Variants in OPCML observed in about 807,000 individuals in gnomAD.
OPCML encodes the protein opioid binding protein/cell adhesion molecule like, also known as opioid-binding protein/cell adhesion molecule.
In OPCML, 13 loss-of-function variants were observed where a neutral mutation model predicts 37.8. The ratio of observed to expected loss-of-function variants is 0.34; its 90% confidence interval spans 0.22 to 0.55. The LOEUF (loss-of-function observed/expected upper bound fraction) is 0.55. Among genes scored for constraint, OPCML ranks in the 20% least tolerant of loss-of-function variants. OPCML has a pLI of 0.91. For synonymous variants in OPCML, 176 were observed against 168.8 expected (o/e 1.04, Z -0.33); for missense variants, 341 against 435.6 (o/e 0.78, Z 1.93).
chr11:132,787,014 C>T (rs947031184), intron 2 of OPCML, among the ~76,000 whole-genome samples: 1 of 152,136 alleles, frequency 6.6e-6, no homozygotes, highest in Non-Finnish European at 1.5e-5. Flanking sequence ...GCCTGTCAAA[C>T]ACAGATGGAG....
At chr11:133,071,421 G>T (rs547175542) in intron 1 of OPCML, among the ~76,000 whole-genome samples, 33 of 152,262 alleles carry the variant, frequency 2.2e-4, no homozygotes, top group South Asian at 1.2e-3. Flanking sequence ...ATATTGAGTG[G>T]TTTTTTATGT....
intron 2 of OPCML, among the ~76,000 whole-genome samples, chr11:132,838,497 C>G (rs1484165409): frequency 1.3e-5 from 2 of 152,076 alleles, no homozygotes; most frequent in African/African-American, 4.8e-5. Flanking sequence ...ACAGAAGAAC[C>G]GCCTGTCCAA....
intron 1 of OPCML, among the ~76,000 whole-genome samples, chr11:133,395,085 A>G (rs1945257957): frequency 6.6e-6 from 1 of 152,192 alleles, no homozygotes; most frequent in Non-Finnish European, 1.5e-5. Flanking sequence ...GTGAGATGAT[A>G]TATCATTGTA....
Position 133,205,456 on chromosome 11 carries a change from C to T in OPCML, c.62-262446G>A, listed in dbSNP as rs138279641. ...CCTGAAGAGGTGGGGGCTGGGAACG[C>T]TGATCAGCAGCACTGGTCCCAACCC... On this transcript the variant is annotated intron_variant, in intron 1 of 7. Transcript: ENST00000524381. The surrounding 1 kb of genome is among the most constrained non-coding windows in gnomAD (Gnocchi z 4.8). Among the ~76,000 whole-genome samples the T allele has an allele frequency of 1.6e-3, 241 of 152,298 alleles. 1 individual carries two copies. Among genetic ancestry groups the T allele is most frequent in the African/African-American group, 5.6e-3 (232 of 41,560 alleles).
At chr11:133,037,234 G>A (rs1313618755) in intron 1 of OPCML, among the ~76,000 whole-genome samples, 3 of 152,232 alleles carry the variant, frequency 2.0e-5, no homozygotes. Flanking sequence ...GATCACCACT[G>A]TGAGGATGAG....
rs888210304 is a variant in OPCML, at chr11:132,928,256, A to T, written c.146+14670T>A. Among the ~76,000 whole-genome samples, 3 of 152,156 alleles carry T rather than the reference A, an allele frequency of 2.0e-5. No individual in the cohort carries two copies. The East Asian group carries it at 5.8e-4, about 29-fold the overall frequency. ...AGAGACCCAGTTTAGATTTAAATGC[A>T]CACATAGTTCAAAAGTGAAAGGTTG... On this transcript the variant is annotated intron_variant, in intron 2 of 7. Transcript: ENST00000524381.
chr11:133,423,210 C>G, intron 1 of OPCML: 1 of 985,402 alleles, frequency 1.0e-6, no homozygotes, highest in Non-Finnish European at 1.2e-6. Flanking sequence ...CAATCATCCC[C>G]TTGATCATTT....
At chr11:132,441,170 T>TTTTTGTTTTTTTTTTTTTG (rs2096032361) in intron 4 of OPCML, among the ~76,000 whole-genome samples, 2 of 113,526 alleles carry the variant, frequency 1.8e-5, no homozygotes, top group Admixed American at 9.0e-5. Context: ...TTTTTGTTTT[T>TTTTTGTTTTTTTTTTTTTG]TTTTTTTTTT....
intron 3 of OPCML, among the ~76,000 whole-genome samples, chr11:132,653,209 A>G (rs1273379942): frequency 6.6e-6 from 1 of 152,026 alleles, no homozygotes; most frequent in Non-Finnish European, 1.5e-5. Flanking sequence ...CATTTCTCCA[A>G]ACTAAAAAAT....
intron 1 of OPCML, among the ~76,000 whole-genome samples, chr11:133,219,420 G>A (rs557062351): frequency 2.6e-5 from 4 of 152,156 alleles, no homozygotes; most frequent in Non-Finnish European, 5.9e-5. Context: ...CAGAAACTGA[G>A]AAACTAAAAT....
At chr11:132,745,055 G>A (rs1178832275) in intron 2 of OPCML, among the ~76,000 whole-genome samples, 1 of 152,188 alleles carries the variant, frequency 6.6e-6, no homozygotes, top group African/African-American at 2.4e-5. Flanking sequence ...TGCTGCACCA[G>A]TCTTTTTCAC....
intron 3 of OPCML, among the ~76,000 whole-genome samples, chr11:132,626,331 G>T (rs1041901026): frequency 6.6e-6 from 1 of 151,942 alleles, no homozygotes; most frequent in African/African-American, 2.4e-5. Flanking sequence ...CCTATTCAAG[G>T]CACTCCAAGG....
At chr11:132,471,585 T>C (rs1343075763) in intron 4 of OPCML, among the ~76,000 whole-genome samples, 1 of 152,202 alleles carries the variant, frequency 6.6e-6, no homozygotes, top group African/African-American at 2.4e-5. Flanking sequence ...GGTTCCTCCA[T>C]CTGTGGGTGT....
intron 2 of OPCML, among the ~76,000 whole-genome samples, chr11:132,842,722 G>A (rs1183241850): frequency 1.3e-5 from 2 of 152,206 alleles, no homozygotes; most frequent in African/African-American, 2.4e-5. Flanking sequence ...CCTGGTCACA[G>A]GCTAAGGTTC....
chr11:133,189,634 A>T (rs1938223074), intron 1 of OPCML, among the ~76,000 whole-genome samples: 1 of 152,188 alleles, frequency 6.6e-6, no homozygotes, highest in Admixed American at 6.5e-5. Flanking sequence ...GTCTACAAAG[A>T]GGTTGTGGCC....
At chr11:132,767,606 C>G (rs1464917626) in intron 2 of OPCML, among the ~76,000 whole-genome samples, 4 of 152,164 alleles carry the variant, frequency 2.6e-5, no homozygotes, top group Admixed American at 6.5e-5. Context: ...CCCAGGTGCT[C>G]ATGCGTTTAC....
chr11:133,337,188 T>G (rs1943761767), intron 1 of OPCML, among the ~76,000 whole-genome samples: 1 of 152,208 alleles, frequency 6.6e-6, no homozygotes, highest in Non-Finnish European at 1.5e-5. Flanking sequence ...CTGTTTCTTT[T>G]CCTAAGGCAA....
intron 2 of OPCML, among the ~76,000 whole-genome samples, chr11:132,731,174 A>T (rs1023189418): frequency 2.0e-5 from 3 of 152,238 alleles, no homozygotes; most frequent in African/African-American, 7.2e-5. Context: ...ATTTTAATTA[A>T]TGTGTATTTA....
Position 133,422,379 on chromosome 11 carries a change from ATATATATATATATATG to A in OPCML, c.61+109869_61+109884del. On this transcript the variant is annotated intron_variant, in intron 1 of 7. Transcript: ENST00000524381. Reference sequence around the variant, plus strand: ...TTTTTTCTCTCAGACCAAAGACATTATATATATATATATATGTATATATGCGCCAGTTCAAACCCTT... The same window carrying A: ...TTTTTTCTCTCAGACCAAAGACATTATATATATGCGCCAGTTCAAACCCTT... 6 of 629,360 alleles carry A rather than the reference ATATATATATATATATG, an allele frequency of 9.5e-6. 1 individual carries two copies. The highest frequency in any genetic ancestry group is 3.2e-5 in the African/African-American group (1 of 31,164). The allele number at this position is 629,360 out of a possible 1,614,324, so 39.0% of individuals were successfully genotyped here. A position where few individuals can be genotyped will look rare whatever the true frequency, so the allele number is the denominator to read the frequency against.
Sources: gnomAD v4.1 joint callset for allele counts (sites outside exome capture counted in the v4.1 genomes callset) on GRCh38, gnomAD v4.1.1 for gene constraint, Gnocchi (gnomAD v3.1) non-coding constraint, MANE v1.5 for transcripts, NCBI Gene and HGNC (gene_info 2026-07-23, HGNC 2026-07-21) for gene names.